The following CDH4 variants were observed in gnomAD, a reference collection of about 807,000 sequenced individuals.
CDH4 encodes cadherin 4, also known as cadherin-4.
In CDH4, 33 loss-of-function variants were observed where a neutral mutation model predicts 86.0. The ratio of observed to expected loss-of-function variants is 0.38; its 90% CI spans 0.29 to 0.51. The LOEUF is 0.51. CDH4 is among the 20% of genes least tolerant of loss of function. The pLI is 0.86. For missense variants in CDH4, 1,114 were observed against 1,307.4 expected (o/e 0.85, Z 2.28); for synonymous variants, 555 against 549.4 (o/e 1.01, Z -0.14).
chr20:61,495,402 G>A (rs914012758), intron 2 of CDH4, among the ~76,000 whole-genome samples: 1 of 152,034 alleles, frequency 6.6e-6, no homozygotes, highest in Admixed American at 6.5e-5. Flanking sequence ...TCCCCCCGCC[G>A]CCAGCCCCCC....
chr20:61,319,185 T>A (rs552157599), intron 2 of CDH4, among the ~76,000 whole-genome samples: 2 of 148,452 alleles, frequency 1.3e-5, no homozygotes, highest in Non-Finnish European at 3.0e-5. Flanking sequence ...ACATATAACA[T>A]GTTATAATAA....
At chr20:61,272,381 T>C in intron 2 of CDH4, among the ~76,000 whole-genome samples, 1 of 152,238 alleles carries the variant, frequency 6.6e-6, no homozygotes, top group Admixed American at 6.5e-5. Context: ...TGCTCCTCTC[T>C]GCCAGGCAGA....
chr20:61,731,206 G>T (rs977824344), intron 2 of CDH4, among the ~76,000 whole-genome samples: 17 of 152,100 alleles, frequency 1.1e-4, no homozygotes, highest in Non-Finnish European at 2.9e-5. Flanking sequence ...AGGCCAAACA[G>T]TCGTGCCGCT....
At position 61,805,662 on chromosome 20, in the gene CDH4, G is replaced by A. The variant is rs1052151325; in HGVS notation, c.576+32480G>A. ...CCTGATGCCACCCAACCTACCGCAT[G>A]GCAGAGGTATGTTTAAAACTCCCAC... On this transcript the variant is annotated intron_variant, in intron 4 of 15. Transcript: ENST00000614565. Among the ~76,000 whole-genome samples the A allele has an allele frequency of 2.0e-5, 3 of 152,208 alleles. No individual in the cohort carries two copies. In the South Asian group the frequency reaches 6.2e-4, roughly 31 times the overall value.
intron 2 of CDH4, among the ~76,000 whole-genome samples, chr20:61,561,596 A>G (rs2086216974): frequency 6.6e-6 from 1 of 152,222 alleles, no homozygotes; most frequent in South Asian, 2.1e-4. Flanking sequence ...CAGTAAAGGT[A>G]GACTGTGGCC....
intron 9 of CDH4, among the ~76,000 whole-genome samples, chr20:61,917,578 G>A (rs1477516083): frequency 1.3e-5 from 2 of 152,242 alleles, no homozygotes; most frequent in Non-Finnish European, 2.9e-5. Flanking sequence ...GTGAGACTTT[G>A]AATGGAAGCT....
intron 8 of CDH4, among the ~76,000 whole-genome samples, chr20:61,900,610 GAC>G: frequency 6.6e-6 from 1 of 152,352 alleles, no homozygotes; most frequent in African/African-American, 2.4e-5. Context: ...CCAAGGCAGA[GAC>G]ACACAGAAAC....
At chr20:61,507,909 C>G (rs2085752745) in intron 2 of CDH4, among the ~76,000 whole-genome samples, 1 of 152,212 alleles carries the variant, frequency 6.6e-6, no homozygotes, top group Non-Finnish European at 1.5e-5. Context: ...AAATCTAAAA[C>G]TATTCTAAAA....
intron 2 of CDH4, among the ~76,000 whole-genome samples, chr20:61,344,485 C>T (rs549657890): frequency 2.6e-4 from 40 of 152,232 alleles, no homozygotes; most frequent in African/African-American, 8.4e-4. Flanking sequence ...ATGGTGAGTT[C>T]GAGAGAAGCA....
chr20:61,570,847 T>C, intron 2 of CDH4: 4 of 698,384 alleles, frequency 5.7e-6, no homozygotes, highest in Non-Finnish European at 1.0e-5. Flanking sequence ...CCCTTCCAAG[T>C]GTGTTGCGTT....
intron 2 of CDH4, among the ~76,000 whole-genome samples, chr20:61,316,134 A>G (rs1259832915): frequency 1.3e-5 from 2 of 152,154 alleles, no homozygotes; most frequent in East Asian, 1.9e-4. Context: ...TGCTGTTGGC[A>G]AGTTCCTTTG....
intron 2 of CDH4, among the ~76,000 whole-genome samples, chr20:61,679,679 C>T (rs180983833): frequency 6.6e-6 from 1 of 152,208 alleles, no homozygotes; most frequent in Non-Finnish European, 1.5e-5. Flanking sequence ...CATCATCTTC[C>T]GCCACTGGTG....
At chr20:61,733,359 C>T (rs1356356524) in intron 2 of CDH4, among the ~76,000 whole-genome samples, 3 of 152,166 alleles carry the variant, frequency 2.0e-5, no homozygotes, top group African/African-American at 7.2e-5. Context: ...AGCCGCCGCT[C>T]CCAGTGGTTC....
At chr20:61,420,568 G>T (rs531209526) in intron 2 of CDH4, among the ~76,000 whole-genome samples, 12 of 152,366 alleles carry the variant, frequency 7.9e-5, no homozygotes, top group African/African-American at 2.6e-4. Context: ...AAAGCTGAGC[G>T]TGTGTATTTC....
chr20:61,563,707 G>T (rs530526119), intron 2 of CDH4, among the ~76,000 whole-genome samples: 1 of 152,332 alleles, frequency 6.6e-6, no homozygotes, highest in South Asian at 2.1e-4. Context: ...CAGCTGAAGT[G>T]CCTGGCACCC....
At chr20:61,814,440 C>T (rs558468307) in intron 4 of CDH4, among the ~76,000 whole-genome samples, 7 of 152,302 alleles carry the variant, frequency 4.6e-5, no homozygotes, top group South Asian at 4.1e-4. Context: ...TGGGAGGCTG[C>T]GGCCGCTCGA....
At chr20:61,486,561 T>C (rs962262572) in intron 2 of CDH4, among the ~76,000 whole-genome samples, 1 of 152,352 alleles carries the variant, frequency 6.6e-6, no homozygotes, top group East Asian at 1.9e-4. Context: ...AAAACACTTG[T>C]GTGGTGCCAC....
intron 4 of CDH4, among the ~76,000 whole-genome samples, chr20:61,837,421 G>T (rs1200624836): frequency 3.9e-5 from 6 of 152,302 alleles, no homozygotes; most frequent in Non-Finnish European, 7.4e-5. Flanking sequence ...TGGGAACTCT[G>T]CCCGGGTCAT....
At chr20:61,529,305 A>C (rs950953339) in intron 2 of CDH4, among the ~76,000 whole-genome samples, 1 of 152,248 alleles carries the variant, frequency 6.6e-6, no homozygotes, top group Non-Finnish European at 1.5e-5. Context: ...AGTGAATTGT[A>C]ATAAATGGGG....
Sources: allele counts gnomAD v4.1 joint callset (sites outside exome capture counted in the v4.1 genomes callset), GRCh38; gene constraint gnomAD v4.1.1; transcripts MANE v1.5; gene names NCBI Gene and HGNC (gene_info 2026-07-23, HGNC 2026-07-21).